MAPK6: variants seen among roughly 807,000 people sequenced by gnomAD.
The protein encoded by MAPK6 is ERK-3.
Under a neutral mutation model 59.3 loss-of-function variants are expected in MAPK6, and 19 were observed. That is an observed-to-expected ratio of 0.32 (90% CI 0.22 to 0.47). MAPK6 has a LOEUF of 0.47. Among genes scored for constraint, MAPK6 ranks in the 20% least tolerant of loss-of-function variants. The pLI, the probability that MAPK6 is intolerant of heterozygous loss-of-function variation, is 1.00. For synonymous variants in MAPK6, 316 were observed against 290.3 expected, an observed-to-expected ratio of 1.09 and a Z score of -0.90; for missense variants, 724 against 847.9, an observed-to-expected ratio of 0.85 and a Z score of 1.81.
chr15:52,029,466 A>G (rs1466723124), intron 1 of MAPK6, among the ~76,000 whole-genome samples: 2 of 151,876 alleles, frequency 1.3e-5, no homozygotes, highest in African/African-American at 4.8e-5. Context: ...TTTAAATGCC[A>G]TCTGTATGTG....
intron 5 of MAPK6, among the ~76,000 whole-genome samples, chr15:52,063,268 G>C (rs1184367247): frequency 6.6e-6 from 1 of 152,092 alleles, no homozygotes; most frequent in East Asian, 1.9e-4. Context: ...TCACCATGTT[G>C]GCCAGGCTGG....
At chr15:52,048,199 G>C (rs1376764373) in intron 2 of MAPK6, among the ~76,000 whole-genome samples, 1 of 151,946 alleles carries the variant, frequency 6.6e-6, no homozygotes, top group African/African-American at 2.4e-5. Context: ...ACCAAGGCTG[G>C]AGTGCAATAG....
intron 3 of MAPK6, among the ~76,000 whole-genome samples, chr15:52,006,456 T>C (rs2057258948): frequency 6.6e-6 from 1 of 152,216 alleles, no homozygotes; most frequent in Non-Finnish European, 1.5e-5. Flanking sequence ...CACCTTTCGT[T>C]TTCAACTAAC....
intron 1 of MAPK6, among the ~76,000 whole-genome samples, chr15:52,029,025 A>G (rs1450288716): frequency 6.6e-6 from 1 of 152,006 alleles, no homozygotes; most frequent in Non-Finnish European, 1.5e-5. Flanking sequence ...TCTACTTTAC[A>G]CCTTGTTATA....
chr15:52,014,477 T>C (rs1197816943), upstream of MAPK6, among the ~76,000 whole-genome samples: 1 of 152,084 alleles, frequency 6.6e-6, no homozygotes, highest in Non-Finnish European at 1.5e-5. Context: ...TTGGGAGGCC[T>C]GAGGCAGGAG....
chr15:52,043,742 A>ATTTTTTTTTTTTTTTTT (rs71130125), intron 1 of MAPK6, among the ~76,000 whole-genome samples: 3 of 40,658 alleles, frequency 7.4e-5, no homozygotes, highest in African/African-American at 1.8e-4. Flanking sequence ...AAGTTGTTTG[A>ATTTTTTTTTTTTTTTTT]TTTTTTTTTT....
intron 4 of MAPK6, among the ~76,000 whole-genome samples, chr15:52,060,522 C>G (rs533287138): frequency 1.3e-5 from 2 of 152,236 alleles, no homozygotes; most frequent in South Asian, 4.1e-4. Context: ...TAGTTTTCAT[C>G]AGTTTTGTGT....
intron 1 of MAPK6, among the ~76,000 whole-genome samples, chr15:51,974,730 C>G (rs1595954662): frequency 1.3e-5 from 2 of 150,636 alleles, no homozygotes; most frequent in South Asian, 2.1e-4. Context: ...TTTTTTCCCC[C>G]CCCGCAAGAC....
chr15:52,016,082 A>G (rs1394077387), upstream of MAPK6, among the ~76,000 whole-genome samples: 39 of 136,746 alleles, frequency 2.9e-4, no homozygotes, highest in South Asian at 1.1e-3. Flanking sequence ...ACACACACAC[A>G]CACACACACA....
rs1596019435 is a variant in MAPK6 at position 52,065,185 on chromosome 15, G to T, written c.*185G>T. ...TGTGAGATAGTTTTCATTTTAACTG[G>T]CATGTCATTTGCACACAAAAATAAA... On this transcript the variant is annotated 3_prime_UTR_variant, in exon 6 of 6. Coordinates refer to ENST00000261845, the MANE Select transcript of MAPK6 (RefSeq NM_002748.4). 5 of 533,780 alleles carry T rather than the reference G, an allele frequency of 9.4e-6. No individual in the cohort carries two copies. In the East Asian group the frequency reaches 1.6e-4, roughly 17 times the overall value. 33.1% of individuals were successfully genotyped at this position (533,780 alleles called of 1,614,324 possible).
intron 2 of MAPK6, among the ~76,000 whole-genome samples, chr15:51,993,798 C>A (rs1018311210): frequency 2.6e-4 from 39 of 149,158 alleles, no homozygotes; most frequent in Non-Finnish European, 4.8e-4. Flanking sequence ...TTTCTTTTTT[C>A]TTTCTTTTTT....
chr15:52,058,824 C>T (rs767307544), intron 4 of MAPK6, 27 bp downstream of exon 4: 34 of 1,574,018 alleles, frequency 2.2e-5, no homozygotes, highest in Middle Eastern at 1.7e-4. Context: ...GTAACCCTCA[C>T]GTTAATGCCT....
upstream of MAPK6, among the ~76,000 whole-genome samples, chr15:52,015,006 T>A (rs1299748313): frequency 6.6e-6 from 1 of 152,196 alleles, no homozygotes; most frequent in Non-Finnish European, 1.5e-5. Context: ...TTGAAACTTT[T>A]TTTGTTTTGT....
rs904451056 is a variant in MAPK6, at chr15:51,981,421, G to A, written c.-879-1785G>A. ...GGGAGGCCGAAGCTTGCAGTGAGCC[G>A]AGATCGTGCCACTGCAGTCCAGCCT... On this transcript the variant is annotated intron_variant, in intron 1 of 7. Coordinates refer to the MAPK6 transcript ENST00000691380. Among the ~76,000 whole-genome samples, 21 of 150,464 alleles carry A rather than the reference G, an allele frequency of 1.4e-4. 1 individual carries two copies. Among genetic ancestry groups the A allele is most frequent in the African/African-American group, 4.4e-4 (18 of 41,020 alleles).
upstream of MAPK6, among the ~76,000 whole-genome samples, chr15:52,015,290 C>T (rs537545598): frequency 4.5e-4 from 68 of 151,690 alleles, no homozygotes; most frequent in East Asian, 3.1e-3. Flanking sequence ...TATGAGCCAC[C>T]GCACCCAGCC....
Position 52,046,287 on chromosome 15 carries a change from G to C in MAPK6, c.-174G>C. 1.8e-6 allele frequency: 1 copy of C among 564,328 alleles called. No individual in the cohort carries two copies. Among genetic ancestry groups the C allele is most frequent in the African/African-American group, 1.9e-5 (1 of 53,038 alleles). 35.0% of individuals were successfully genotyped at this position (564,328 alleles called of 1,614,324 possible). The stretch of plus-strand genomic sequence containing the variant: ...AGCTTTTTGAGCTTTAAATCTAAGG[G>C]GAACTCGACAGGCCTGTTTGGCATA... On this transcript the variant is annotated 5_prime_UTR_variant, in exon 2 of 6. Transcript: ENST00000261845.
intron 1 of MAPK6, among the ~76,000 whole-genome samples, chr15:52,023,370 T>A (rs1030710030): frequency 1.3e-5 from 2 of 152,184 alleles, no homozygotes; most frequent in African/African-American, 4.8e-5. Flanking sequence ...AACATTACAC[T>A]ACAACCTGCC....
chr15:51,982,441 A>G (rs1201360519), intron 1 of MAPK6, among the ~76,000 whole-genome samples: 1 of 152,362 alleles, frequency 6.6e-6, no homozygotes, highest in African/African-American at 2.4e-5. Flanking sequence ...AAAGGCCACA[A>G]GATGGTGATG....
intron 2 of MAPK6, among the ~76,000 whole-genome samples, chr15:51,993,373 G>T (rs895525889): frequency 6.6e-6 from 1 of 152,164 alleles, no homozygotes; most frequent in Non-Finnish European, 1.5e-5. Context: ...TGCAAATGAA[G>T]ATCAAAATAT....
Sources: gnomAD v4.1 joint callset for allele counts (sites outside exome capture counted in the v4.1 genomes callset) on GRCh38, gnomAD v4.1.1 for gene constraint, MANE v1.5 for transcripts, NCBI Gene and HGNC (gene_info 2026-07-23, HGNC 2026-07-21) for gene names.